SLC30A8: variants seen among roughly 807,000 people sequenced by gnomAD.
The protein encoded by SLC30A8 is solute carrier family 30 member 8, also known as proton-coupled zinc antiporter SLC30A8.
Under a neutral mutation model 36.9 loss-of-function variants are expected in SLC30A8, and 27 were observed. The observed-to-expected ratio is 0.73, with a 90% CI of 0.54 to 1.01. The LOEUF is 1.01. Ranked by LOEUF, SLC30A8 falls within the 50% of genes least tolerant of loss-of-function variation. SLC30A8 has a pLI of 0.00. For missense variants in SLC30A8, 439 were observed against 452.0 expected (o/e 0.97, Z 0.26); for synonymous variants, 164 against 172.4 (o/e 0.95, Z 0.38).
chr8:117,163,644 A>G, intron 6 of SLC30A8, 114 bp downstream of exon 6: 1 of 764,426 alleles, frequency 1.3e-6, no homozygotes, highest in African/African-American at 1.8e-5. Flanking sequence ...GGAAAAATTT[A>G]AAGTGAAAAG....
At chr8:117,168,183 G>T (rs1370943033) in intron 6 of SLC30A8, among the ~76,000 whole-genome samples, 1 of 152,028 alleles carries the variant, frequency 6.6e-6, no homozygotes, top group East Asian at 1.9e-4. Context: ...TGGGGACACA[G>T]CCAAACTATA....
intron 2 of SLC30A8, among the ~76,000 whole-genome samples, chr8:117,072,804 G>GA (rs916160224): frequency 2.1e-5 from 3 of 142,744 alleles, no homozygotes; most frequent in African/African-American, 7.7e-5. Flanking sequence ...CCCTACCAAA[G>GA]AAAAAAACTG....
chr8:117,070,833 A>C (rs145807770), intron 2 of SLC30A8, among the ~76,000 whole-genome samples: 2,659 of 152,264 alleles, frequency 0.017, 72 homozygotes, highest in African/African-American at 0.059. Context: ...GAGATCATGC[A>C]GTATTTGTCT....
chr8:117,072,105 G>T (rs1485005453), intron 2 of SLC30A8, among the ~76,000 whole-genome samples: 1 of 152,202 alleles, frequency 6.6e-6, no homozygotes, highest in Non-Finnish European at 1.5e-5. Flanking sequence ...TCTGGTGATT[G>T]ATTTCTTACT....
intron 1 of SLC30A8, among the ~76,000 whole-genome samples, chr8:117,016,887 T>A (rs540763806): frequency 3.3e-5 from 5 of 152,274 alleles, no homozygotes; most frequent in African/African-American, 1.2e-4. Context: ...TTTTAAAAGA[T>A]CTATATTTCT....
intron 2 of SLC30A8, among the ~76,000 whole-genome samples, chr8:117,072,395 A>T (rs1429719286): frequency 6.6e-6 from 1 of 152,204 alleles, no homozygotes; most frequent in Non-Finnish European, 1.5e-5. Context: ...TATAGTGAAT[A>T]CATTTTTAAA....
At chr8:116,953,650 T>C (rs1246093033) in intron 1 of SLC30A8, among the ~76,000 whole-genome samples, 1 of 152,170 alleles carries the variant, frequency 6.6e-6, no homozygotes, top group Admixed American at 6.5e-5. Flanking sequence ...CAATTTTGCT[T>C]GCTTCTTATG....
chr8:117,005,030 T>C (rs1287207643), intron 1 of SLC30A8, among the ~76,000 whole-genome samples: 6 of 152,188 alleles, frequency 3.9e-5, no homozygotes, highest in Admixed American at 6.5e-5. Context: ...AATTGACTTA[T>C]TTAAAATGGG....
At chr8:117,107,855 T>TACAA (rs1248571712) in intron 2 of SLC30A8, among the ~76,000 whole-genome samples, 12 of 152,172 alleles carry the variant, frequency 7.9e-5, no homozygotes, top group African/African-American at 1.4e-4. Context: ...TATTTTATTT[T>TACAA]TATGGCAAAG....
intron 1 of SLC30A8, among the ~76,000 whole-genome samples, chr8:117,135,851 A>G (rs1821336935): frequency 6.6e-6 from 1 of 151,944 alleles, no homozygotes; most frequent in Non-Finnish European, 1.5e-5. Context: ...ATACATACCT[A>G]TAACAAATAT....
chr8:116,982,474 AAG>A (rs1251779773), intron 1 of SLC30A8, among the ~76,000 whole-genome samples: 2 of 152,214 alleles, frequency 1.3e-5, no homozygotes, highest in Non-Finnish European at 2.9e-5. Context: ...CAGACTTCTA[AAG>A]AGAGATAAAA....
intron 2 of SLC30A8, among the ~76,000 whole-genome samples, chr8:117,084,647 C>T (rs1424121734): frequency 6.6e-6 from 1 of 151,948 alleles, no homozygotes; most frequent in Non-Finnish European, 1.5e-5. Context: ...TAATAAACCC[C>T]CGGACTTTTG....
At chr8:117,001,204 CTTTTTTTTT>C (rs34639384) in intron 1 of SLC30A8, among the ~76,000 whole-genome samples, 4 of 78,306 alleles carry the variant, frequency 5.1e-5, no homozygotes, top group African/African-American at 1.9e-4. Flanking sequence ...TTGCTAGGGG[CTTTTTTTTT>C]TTTTTTTTTT....
chr8:117,088,279 AAGT>A (rs1186875046), intron 2 of SLC30A8, among the ~76,000 whole-genome samples: 2 of 152,184 alleles, frequency 1.3e-5, no homozygotes, highest in Non-Finnish European at 2.9e-5. Flanking sequence ...ATGTAAGGGA[AAGT>A]GCTAAAGAAA....
At chr8:117,104,187 G>T (rs1251330699) in intron 2 of SLC30A8, among the ~76,000 whole-genome samples, 3 of 152,136 alleles carry the variant, frequency 2.0e-5, no homozygotes, top group Admixed American at 1.3e-4. Flanking sequence ...AATGTGACTA[G>T]GCTGAGAATT....
At chr8:117,170,087 C>T (rs1823294142) in intron 6 of SLC30A8, among the ~76,000 whole-genome samples, 1 of 152,148 alleles carries the variant, frequency 6.6e-6, no homozygotes, top group African/African-American at 2.4e-5. Context: ...TCTTGGCTGC[C>T]TGATAGAATC....
At chr8:117,006,653 T>A (rs1175085855) in intron 1 of SLC30A8, among the ~76,000 whole-genome samples, 2 of 152,080 alleles carry the variant, frequency 1.3e-5, no homozygotes, top group Non-Finnish European at 2.9e-5. Flanking sequence ...GCGTCATCAG[T>A]CTACCATGTC....
At chr8:116,998,505 C>T (rs549991824) in intron 1 of SLC30A8, among the ~76,000 whole-genome samples, 4 of 152,344 alleles carry the variant, frequency 2.6e-5, no homozygotes, top group South Asian at 4.1e-4. Flanking sequence ...TCTTCAATTT[C>T]ATCTAAGGGC....
intron 2 of SLC30A8, among the ~76,000 whole-genome samples, chr8:117,128,870 G>A (rs1821021335): frequency 6.6e-6 from 1 of 151,938 alleles, no homozygotes; most frequent in African/African-American, 2.4e-5. Context: ...AGGAAATTGG[G>A]GCGGAAAGAA....
Sources: gnomAD v4.1 joint callset for allele counts (sites outside exome capture counted in the v4.1 genomes callset) on GRCh38, gnomAD v4.1.1 for gene constraint, MANE v1.5 for transcripts, NCBI Gene and HGNC (gene_info 2026-07-23, HGNC 2026-07-21) for gene names.